Variants in SLC37A2 observed in about 807,000 individuals in gnomAD.
SLC37A2 encodes glucose-6-phosphate exchanger SLC37A2.
In SLC37A2, 59 loss-of-function variants were observed where a neutral mutation model predicts 70.7. The observed-to-expected ratio is 0.83, with a 90% CI of 0.68 to 1.04. The LOEUF (loss-of-function observed/expected upper bound fraction) is 1.04. Among genes scored for constraint, SLC37A2 ranks in the 50% least tolerant of loss-of-function variants. The pLI, the probability that SLC37A2 is intolerant of heterozygous loss-of-function variation, is 0.00. For missense variants in SLC37A2, 580 were observed against 658.1 expected (o/e 0.88, Z 1.30); for synonymous variants, 257 against 262.1 (o/e 0.98, Z 0.19).
In SLC37A2 at chr11:125,063,309, C is replaced by A; in HGVS notation, c.-59C>A. 6.7e-7 allele frequency: 1 copy of A among 1,487,338 alleles called. No homozygotes were observed. Among genetic ancestry groups the A allele is most frequent in the Non-Finnish European group, 9.3e-7 (1 of 1,079,864 alleles). The allele number at this position is 1,487,338 out of a possible 1,614,324, so 92.1% of individuals were successfully genotyped here. On this transcript the variant is annotated 5_prime_UTR_variant, in exon 1 of 18. Transcript: ENST00000403796. The surrounding 1 kb of genome is among the most constrained non-coding windows in gnomAD (Gnocchi z 5.4). Reference sequence around the variant, plus strand: ...CGCTGACAGCCAGTCCAGCCCGGGACACGCGCCCAGCTCTGTAGCCTCCTC... The same window carrying A: ...CGCTGACAGCCAGTCCAGCCCGGGAAACGCGCCCAGCTCTGTAGCCTCCTC...
chr11:125,085,816 C>T, intron 16 of SLC37A2, 138 bp from the exon 17 acceptor site: 1 of 1,210,300 alleles, frequency 8.3e-7, no homozygotes, highest in Non-Finnish European at 1.2e-6. Context: ...ACTCTCCCTC[C>T]CCCGAGTGAC....
chr11:125,067,461 A>G (rs1948993406), intron 1 of SLC37A2, among the ~76,000 whole-genome samples: 1 of 152,228 alleles, frequency 6.6e-6, no homozygotes, highest in Non-Finnish European at 1.5e-5. Context: ...AAATATTTAG[A>G]TAAATAATAA....
rs986453620 is a variant in SLC37A2, at chr11:125,081,746, C to T, written c.733-8C>T. On this transcript the variant is annotated splice_polypyrimidine_tract_variant and splice_region_variant and intron_variant, in intron 8 of 17. Transcript: ENST00000403796. Reference sequence around the variant, plus strand: ...GCACCCACAGCAGGGCTCATCTCCTCTGCTCAGGGTGAGCCAGCTGAGAAC... The same window carrying T: ...GCACCCACAGCAGGGCTCATCTCCTTTGCTCAGGGTGAGCCAGCTGAGAAC... The T allele has an allele frequency of 6.3e-7, 1 of 1,576,986 alleles. No homozygotes were observed. Among genetic ancestry groups the T allele is most frequent in the Admixed American group, 1.9e-5 (1 of 53,890 alleles).
At chr11:125,073,055 G>C (rs1397322350) in intron 1 of SLC37A2, among the ~76,000 whole-genome samples, 1 of 152,192 alleles carries the variant, frequency 6.6e-6, no homozygotes, top group Non-Finnish European at 1.5e-5. Context: ...GCATCATGGG[G>C]GACTCCAGGT....
In SLC37A2 at chr11:125,077,120, C is replaced by T. The variant is rs12276396; in HGVS notation, c.142-110C>T. ...TTCCTGCAGGAGGAGGTGCCAGTAG[C>T]GGGGACATAGAATCTGGTAGGAGGC... On this transcript the variant is annotated intron_variant, in intron 2 of 17. Coordinates refer to ENST00000403796, the MANE Select transcript of SLC37A2 (RefSeq NM_001145290.2). The T allele has an allele frequency of 2.2e-5, 20 of 894,996 alleles. No individual in the cohort carries two copies. The South Asian group carries it at 2.4e-4, about 11-fold the overall frequency. 55.4% of individuals were successfully genotyped at this position (894,996 alleles called of 1,614,324 possible).
chr11:125,065,450 A>C (rs1948971463), intron 1 of SLC37A2, among the ~76,000 whole-genome samples: 1 of 152,230 alleles, frequency 6.6e-6, no homozygotes. Flanking sequence ...AGCCGAGTCA[A>C]GAAACTGTCT....
chr11:125,085,496 T>C, intron 15 of SLC37A2, 23 bp downstream of exon 15: 1 of 1,613,810 alleles, frequency 6.2e-7, no homozygotes, highest in Non-Finnish European at 8.5e-7. Flanking sequence ...AGCTCTGTTG[T>C]GGGCCGGCCC....
Position 125,077,307 on chromosome 11 carries a change from C to T in SLC37A2, c.219C>T (p.Cys73=). 9.3e-6 allele frequency: 15 copies of T among 1,606,048 alleles called. No individual in the cohort carries two copies. The highest frequency in any genetic ancestry group is 1.3e-5 in the Non-Finnish European group (15 of 1,176,132). ...DTHSLNDTMW[C]SWAPFDKDNY... is the part of the protein sequence containing the mutation. ...ACAGTCTCAATGACACCATGTGGTG[C>T]AGCTGGGCCCCATTTGGTAAGAACA... Residue 73 remains cysteine, a synonymous_variant, in exon 3 of 18, where the codon TGC becomes TGT. Coordinates refer to ENST00000403796, the MANE Select transcript of SLC37A2 (RefSeq NM_001145290.2).
In SLC37A2 at chr11:125,077,333, G is replaced by T; in HGVS notation, c.235+10G>T. The T allele has an allele frequency of 6.3e-7, 1 of 1,597,976 alleles. No individual in the cohort carries two copies. The highest frequency in any genetic ancestry group is 2.2e-5 in the East Asian group (1 of 44,810). The stretch of plus-strand genomic sequence containing the variant: ...AGCTGGGCCCCATTTGGTAAGAACA[G>T]GGCAAGTTGCTCTTCCCATTCCCCA... On this transcript the variant is annotated intron_variant, in intron 3 of 17. Coordinates refer to ENST00000403796, the MANE Select transcript of SLC37A2 (RefSeq NM_001145290.2).
In SLC37A2 at chr11:125,063,526, G is replaced by T; in HGVS notation, c.59+100G>T. ...GAGATCACCCCAGATCGGCCCCGGC[G>T]TCGCCGCGTGGCCAGGGGTGCTGGG... On this transcript the variant is annotated intron_variant, in intron 1 of 17. Transcript: ENST00000403796. The surrounding 1 kb of genome is among the most constrained non-coding windows in gnomAD (Gnocchi z 5.4). The T allele has an allele frequency of 8.8e-7, 1 of 1,136,692 alleles. No individual in the cohort carries two copies. The highest frequency in any genetic ancestry group is 1.4e-5 in the South Asian group (1 of 71,770). The allele number at this position is 1,136,692 out of a possible 1,614,324, so 70.4% of individuals were successfully genotyped here.
chr11:125,065,813 AT>A (rs1948974468), intron 1 of SLC37A2, among the ~76,000 whole-genome samples: 1 of 152,238 alleles, frequency 6.6e-6, no homozygotes, highest in Non-Finnish European at 1.5e-5. Context: ...AAGCAAGAAG[AT>A]TCCATAAGAG....
intron 16 of SLC37A2, 121 bp from the exon 17 acceptor site, chr11:125,085,833 C>A: frequency 1.6e-6 from 2 of 1,251,348 alleles, no homozygotes; most frequent in African/African-American, 1.5e-5. Flanking sequence ...TGACCCCTTG[C>A]CAAGTGGCAG....
intron 14 of SLC37A2, 85 bp downstream of exon 14, chr11:125,085,224 TC>T: frequency 1.4e-6 from 2 of 1,415,604 alleles, no homozygotes; most frequent in Non-Finnish European, 9.9e-7. Context: ...TCTCCCTGTC[TC>T]CCATCCCGCA....
rs1053628994 is a variant in SLC37A2 at position 125,088,505 on chromosome 11, C to G, written c.*371C>G. ...CTGGAAAATGGGCATCTCTCCTTCCCATGTTAAGCTTTAACCTCTGTAATC... is the reference window on the plus strand; with the variant it reads ...CTGGAAAATGGGCATCTCTCCTTCCGATGTTAAGCTTTAACCTCTGTAATC... On this transcript the variant is annotated 3_prime_UTR_variant, in exon 18 of 18. Coordinates refer to ENST00000403796, the MANE Select transcript of SLC37A2 (RefSeq NM_001145290.2). 3 of 217,416 alleles carry G rather than the reference C, an allele frequency of 1.4e-5. No individual in the cohort carries two copies. The highest frequency in any genetic ancestry group is 6.8e-5 in the African/African-American group (3 of 43,954). 13.5% of individuals were successfully genotyped at this position (217,416 alleles called of 1,614,324 possible).
intron 17 of SLC37A2, chr11:125,087,865 C>T (rs1312521815): frequency 2.7e-6 from 1 of 374,596 alleles, no homozygotes; most frequent in Non-Finnish European, 4.9e-6. Flanking sequence ...CTCCCAACCT[C>T]AGGTGACTCA....
chr11:125,073,497 C>T (rs75775903), intron 1 of SLC37A2, among the ~76,000 whole-genome samples: 7,985 of 152,320 alleles, frequency 0.052, 230 homozygotes, highest in Middle Eastern at 0.082. Flanking sequence ...GCCGCCTCCA[C>T]CCCTCCAGTC....
chr11:125,079,027 C>G, intron 4 of SLC37A2, 85 bp from the exon 5 acceptor site: 1 of 1,579,334 alleles, frequency 6.3e-7, no homozygotes, highest in South Asian at 1.1e-5. Flanking sequence ...GAGCCACTTC[C>G]TAGCGTGGTG....
In SLC37A2 at chr11:125,080,417, C is replaced by T. The variant is rs532692717; in HGVS notation, c.528-197C>T. Among the ~76,000 whole-genome samples, 2 of 152,298 alleles carry T rather than the reference C, an allele frequency of 1.3e-5. No homozygotes were observed. Among genetic ancestry groups the T allele is most frequent in the East Asian group, 3.9e-4 (2 of 5,182 alleles). On this transcript the variant is annotated intron_variant, in intron 6 of 17. Transcript: ENST00000403796. This position sits in a 1 kb window ranked among gnomAD's most constrained non-coding sequence, Gnocchi z 4.3. ...GGGAGCTGGGCAGGCGGAGCGAGAC[C>T]ACAGGCCCTGCAGCCACCTGCTTGA...
chr11:125,065,707 C>T (rs77985003), intron 1 of SLC37A2, among the ~76,000 whole-genome samples: 395 of 152,120 alleles, frequency 2.6e-3, no homozygotes, highest in African/African-American at 8.2e-3. Context: ...TACAACATCC[C>T]GGCAAGGTCT....
Sources: allele counts gnomAD v4.1 joint callset (sites outside exome capture counted in the v4.1 genomes callset), GRCh38; gene constraint gnomAD v4.1.1; non-coding constraint Gnocchi (gnomAD v3.1); transcripts MANE v1.5; gene names NCBI Gene and HGNC (gene_info 2026-07-23, HGNC 2026-07-21).